The following USP49 variants were observed in gnomAD, a reference collection of about 807,000 sequenced individuals.
The protein encoded by USP49 is ubiquitin carboxyl-terminal hydrolase 49.
Under a neutral mutation model 58.6 loss-of-function variants are expected in USP49, and 24 were observed. That is an observed-to-expected ratio of 0.41 (90% confidence interval 0.30 to 0.58). USP49 has a LOEUF of 0.58. Among genes scored for constraint, USP49 ranks in the 20% least tolerant of loss-of-function variants. The pLI is 0.30. For synonymous variants in USP49, 408 were observed against 365.1 expected, an observed-to-expected ratio of 1.12 and a Z score of -1.34; for missense variants, 703 against 866.1, an observed-to-expected ratio of 0.81 and a Z score of 2.36.
intron 3 of USP49, among the ~76,000 whole-genome samples, chr6:41,819,114 T>C (rs554085942): frequency 5.3e-4 from 81 of 152,202 alleles, no homozygotes; most frequent in African/African-American, 1.9e-3. Flanking sequence ...AAGAGCCAGA[T>C]ACAAGGTCGG....
rs1208024422 is a variant in USP49 at position 41,826,056 on chromosome 6, G to A, written c.-28-19045C>T. 2.0e-5 allele frequency among the ~76,000 whole-genome samples: 3 copies of A among 152,304 alleles called. No homozygotes were observed. In the East Asian group the frequency reaches 5.8e-4, roughly 29 times the overall value. On this transcript the variant is annotated intron_variant, in intron 3 of 7. Transcript: ENST00000682992. ...AGGCAGGTGGATCACTTGAGTCCAGGAGTTCGAGACCAGCCTGGGCAAAAT... is the reference window on the plus strand; with the variant it reads ...AGGCAGGTGGATCACTTGAGTCCAGAAGTTCGAGACCAGCCTGGGCAAAAT...
chr6:41,819,253 T>A (rs1773412870), intron 3 of USP49, among the ~76,000 whole-genome samples: 1 of 152,094 alleles, frequency 6.6e-6, no homozygotes, highest in Non-Finnish European at 1.5e-5. Flanking sequence ...TTTGTTTTGT[T>A]TTAGCATGAT....
At chr6:41,815,901 G>A (rs1773341324) in intron 3 of USP49, among the ~76,000 whole-genome samples, 1 of 152,210 alleles carries the variant, frequency 6.6e-6, no homozygotes. Flanking sequence ...CATGATAATA[G>A]CTCACTTGCA....
intron 3 of USP49, among the ~76,000 whole-genome samples, chr6:41,834,023 A>G (rs981076575): frequency 2.6e-5 from 4 of 152,224 alleles, no homozygotes; most frequent in Admixed American, 2.6e-4. Context: ...TCACCTGTAC[A>G]CATATTTGAA....
At chr6:41,829,384 G>A (rs1314612521) in intron 3 of USP49, among the ~76,000 whole-genome samples, 4 of 151,486 alleles carry the variant, frequency 2.6e-5, no homozygotes, top group African/African-American at 9.7e-5. Context: ...GCACGATCTT[G>A]GCTCACTGCA....
At chr6:41,808,874 C>A (rs937867608) in intron 3 of USP49, among the ~76,000 whole-genome samples, 4 of 152,018 alleles carry the variant, frequency 2.6e-5, no homozygotes, top group East Asian at 1.9e-4. Context: ...ACCAGCCTAG[C>A]CAACATAGAC....
intron 2 of USP49, among the ~76,000 whole-genome samples, chr6:41,885,037 G>A (rs1774684831): frequency 6.6e-6 from 1 of 152,144 alleles, no homozygotes; most frequent in Admixed American, 6.6e-5. Flanking sequence ...GGCTTTCAGT[G>A]GTGAAACAAC....
intron 7 of USP49, 93 bp from the exon 8 acceptor site, chr6:41,796,816 A>G (rs1254760348): frequency 1.5e-6 from 1 of 662,376 alleles, no homozygotes; most frequent in East Asian, 2.7e-5. Context: ...AGGGACAGAG[A>G]AGTTCTGAAT....
chr6:41,834,058 C>T (rs973477046), intron 3 of USP49, among the ~76,000 whole-genome samples: 19 of 152,172 alleles, frequency 1.2e-4, no homozygotes, highest in African/African-American at 4.1e-4. Flanking sequence ...GAAACATGCA[C>T]GCCCATCACT....
intron 6 of USP49, among the ~76,000 whole-genome samples, chr6:41,799,613 T>A (rs1561901609): frequency 6.6e-6 from 1 of 152,212 alleles, no homozygotes. Flanking sequence ...GGATAATTAA[T>A]TACACAGGAG....
rs571628705 is a variant in USP49, at chr6:41,860,331, AT to A, written c.-29+11232del. Among the ~76,000 whole-genome samples the A allele has an allele frequency of 1.5e-3, 222 of 152,136 alleles. 2 individuals carry two copies. Among genetic ancestry groups the A allele is most frequent in the African/African-American group, 4.9e-3 (203 of 41,510 alleles). Reference sequence around the variant, plus strand: ...AGGCAGTTGAGAGACAGAGAGAAAAATAATCAACTAATTGCAACATTTGAAC... The same window carrying A: ...AGGCAGTTGAGAGACAGAGAGAAAAAAATCAACTAATTGCAACATTTGAAC... On this transcript the variant is annotated intron_variant, in intron 3 of 7. Coordinates refer to ENST00000682992, the MANE Select transcript of USP49 (RefSeq NM_001286554.2).
At chr6:41,863,502 G>T (rs370666871) in intron 3 of USP49, among the ~76,000 whole-genome samples, 1 of 152,206 alleles carries the variant, frequency 6.6e-6, no homozygotes, top group Admixed American at 6.5e-5. Flanking sequence ...ATTATCACGG[G>T]TATTAAACAA....
chr6:41,851,777 A>AC (rs1774032157), intron 3 of USP49, among the ~76,000 whole-genome samples: 1 of 151,328 alleles, frequency 6.6e-6, no homozygotes, highest in Admixed American at 6.6e-5. Context: ...AGATGGTGAA[A>AC]CCCCATCTCT....
At position 41,795,932 on chromosome 6, in the gene USP49, T is replaced by G. The variant is rs1772878145; in HGVS notation, c.*601A>C. On this transcript the variant is annotated 3_prime_UTR_variant, in exon 8 of 8. Coordinates refer to ENST00000682992, the MANE Select transcript of USP49 (RefSeq NM_001286554.2). ...TATGACATATGAAAACCATCCCACT[T>G]TGCATGGGGAAATTTGTTCCATGCA... 6.6e-6 allele frequency: 1 copy of G among 152,248 alleles called. No homozygotes were observed. The highest frequency in any genetic ancestry group is 2.4e-5 in the African/African-American group (1 of 41,458). The allele number at this position is 152,248 out of a possible 1,614,324, so 9.4% of individuals were successfully genotyped here. A position where few individuals can be genotyped will look rare whatever the true frequency, so the allele number is the denominator to read the frequency against.
chr6:41,851,943 G>C (rs1177426768), intron 3 of USP49, among the ~76,000 whole-genome samples: 1 of 97,608 alleles, frequency 1.0e-5, no homozygotes, highest in Non-Finnish European at 1.8e-5. Flanking sequence ...GACAGAGCGA[G>C]ACTCGTCTCA....
chr6:41,875,641 C>T (rs1774490393), intron 2 of USP49, among the ~76,000 whole-genome samples: 1 of 152,180 alleles, frequency 6.6e-6, no homozygotes, highest in Admixed American at 6.5e-5. Flanking sequence ...TACCCATCCA[C>T]TCCATTATTT....
chr6:41,882,105 T>C (rs1456378075), intron 2 of USP49, among the ~76,000 whole-genome samples: 1 of 151,384 alleles, frequency 6.6e-6, no homozygotes, highest in African/African-American at 2.4e-5. Flanking sequence ...TCCTGCCATA[T>C]CTTAAGAAAT....
At chr6:41,836,328 A>C (rs746962344) in intron 3 of USP49, among the ~76,000 whole-genome samples, 29 of 152,222 alleles carry the variant, frequency 1.9e-4, no homozygotes, top group Non-Finnish European at 4.0e-4. Flanking sequence ...ACATTGCTTC[A>C]TGTTGAAAAT....
chr6:41,817,209 C>T (rs1409472361), intron 3 of USP49, among the ~76,000 whole-genome samples: 8 of 134,948 alleles, frequency 5.9e-5, no homozygotes, highest in South Asian at 2.4e-4. Context: ...AGTGCAGTGG[C>T]GCGATCTCAC....
Sources: allele counts gnomAD v4.1 joint callset (sites outside exome capture counted in the v4.1 genomes callset), GRCh38; gene constraint gnomAD v4.1.1; transcripts MANE v1.5; gene names NCBI Gene and HGNC (gene_info 2026-07-23, HGNC 2026-07-21).